Variants in CDH8 observed in about 807,000 individuals in gnomAD.
The protein encoded by CDH8 is cadherin 8, also known as cadherin-8.
In CDH8, 17 loss-of-function variants were observed where a neutral mutation model predicts 68.1. That is an observed-to-expected ratio of 0.25 (90% CI 0.17 to 0.37). The LOEUF is 0.37. Ranked by LOEUF, CDH8 falls within the 10% of genes least tolerant of loss-of-function variation. The probability of loss-of-function intolerance (pLI) is 1.00; values close to 1 mark genes in which losing one functional copy is unlikely to be tolerated. For synonymous variants in CDH8, 372 were observed against 365.1 expected (o/e 1.02, Z -0.21); for missense variants, 763 against 999.3 (o/e 0.76, Z 3.19).
At chr16:62,006,854 A>C (rs1285635011) in intron 2 of CDH8, among the ~76,000 whole-genome samples, 1 of 152,070 alleles carries the variant, frequency 6.6e-6, no homozygotes, top group Non-Finnish European at 1.5e-5. Context: ...TAGAAAGATA[A>C]ATCTTGTTTT....
At chr16:61,809,663 A>G (rs1335372211) in intron 7 of CDH8, among the ~76,000 whole-genome samples, 1 of 152,218 alleles carries the variant, frequency 6.6e-6, no homozygotes, top group African/African-American at 2.4e-5. Context: ...ATTGGCAGAA[A>G]GCATCATGAT....
chr16:61,789,108 T>C (rs1472677852), intron 8 of CDH8, among the ~76,000 whole-genome samples: 1 of 152,102 alleles, frequency 6.6e-6, no homozygotes, highest in Non-Finnish European at 1.5e-5. Context: ...TTGTTTTTAA[T>C]GGCTGAATAA....
At chr16:61,953,895 T>TTATATATATATATATATATA (rs66743095) in intron 2 of CDH8, among the ~76,000 whole-genome samples, 132 of 118,844 alleles carry the variant, frequency 1.1e-3, no homozygotes, top group African/African-American at 4.2e-3. Context: ...AAAAAAAACT[T>TTATATATATATATATATATA]TATATATATA....
intron 3 of CDH8, among the ~76,000 whole-genome samples, chr16:61,888,189 G>A (rs141917569): frequency 8.1e-4 from 123 of 152,254 alleles, no homozygotes; most frequent in East Asian, 3.7e-3. Flanking sequence ...CTTCAGGTTC[G>A]CGGAGTCCTA....
chr16:61,936,560 G>A (rs1408769765), intron 2 of CDH8, among the ~76,000 whole-genome samples: 1 of 152,102 alleles, frequency 6.6e-6, no homozygotes, highest in African/African-American at 2.4e-5. Flanking sequence ...CTTGGAGATG[G>A]CAACATGCCA....
At chr16:61,908,586 C>T (rs1964103252) in intron 2 of CDH8, among the ~76,000 whole-genome samples, 1 of 152,138 alleles carries the variant, frequency 6.6e-6, no homozygotes, top group Non-Finnish European at 1.5e-5. Flanking sequence ...ATGGACCATT[C>T]AAGAAACATT....
chr16:61,917,967 GCTTTTT>G (rs1964272145), intron 2 of CDH8, among the ~76,000 whole-genome samples: 1 of 99,368 alleles, frequency 1.0e-5, no homozygotes, highest in East Asian at 2.7e-4. Context: ...AAAGTTATTT[GCTTTTT>G]TTTTTTTTTT....
intron 8 of CDH8, among the ~76,000 whole-genome samples, chr16:61,787,883 T>C (rs953814255): frequency 1.8e-4 from 21 of 119,352 alleles, no homozygotes; most frequent in East Asian, 1.8e-3. Context: ...TAGGTGGGAA[T>C]TGAACAATGA....
intron 7 of CDH8, among the ~76,000 whole-genome samples, 159 bp from the exon 8 acceptor site, chr16:61,789,641 G>A (rs552941078): frequency 6.6e-6 from 1 of 152,158 alleles, no homozygotes; most frequent in South Asian, 2.1e-4. Flanking sequence ...GACTGAATGA[G>A]GCACGAGAAA....
At chr16:61,888,599 G>T (rs1177786285) in intron 3 of CDH8, among the ~76,000 whole-genome samples, 1 of 144,940 alleles carries the variant, frequency 6.9e-6, no homozygotes, top group Non-Finnish European at 1.5e-5. Flanking sequence ...TGTAAAATAA[G>T]AATAATAAAA....
Position 62,014,484 on chromosome 16 carries a change from G to T in CDH8, c.252+6668C>A, listed in dbSNP as rs532514517. On this transcript the variant is annotated intron_variant, in intron 2 of 11. Coordinates refer to ENST00000577390, the MANE Select transcript of CDH8 (RefSeq NM_001796.5). ...AACTGACAGTGAATTGTTCCCACAA[G>T]GCCAAAGATACAATTAAGCTGTGAC... is the stretch of plus-strand genomic sequence containing the variant. Among the ~76,000 whole-genome samples the T allele has an allele frequency of 2.0e-5, 3 of 152,244 alleles. No homozygotes were observed. The East Asian group carries it at 5.8e-4, about 29-fold the overall frequency.
chr16:61,739,543 T>G (rs1312059061), intron 8 of CDH8, among the ~76,000 whole-genome samples: 1 of 151,866 alleles, frequency 6.6e-6, no homozygotes, highest in Non-Finnish European at 1.5e-5. Context: ...ATGTAATATA[T>G]AACATAGCAT....
chr16:62,029,134 GCT>G (rs1392729803), intron 1 of CDH8, among the ~76,000 whole-genome samples: 1 of 152,124 alleles, frequency 6.6e-6, no homozygotes, highest in African/African-American at 2.4e-5. Flanking sequence ...AGAAACTGAT[GCT>G]CTGTGTTTAA....
In CDH8 at chr16:61,891,893, G is replaced by A. The variant is rs865848722; in HGVS notation, c.547+9286C>T. ...ACTTTGCATCTCTCCTTTAAAAATAGAGAAGTGCTGCCAAATTCTTTTAAA... is the reference window on the plus strand; with the variant it reads ...ACTTTGCATCTCTCCTTTAAAAATAAAGAAGTGCTGCCAAATTCTTTTAAA... On this transcript the variant is annotated intron_variant, in intron 3 of 11. Transcript: ENST00000577390. 3.8e-4 allele frequency among the ~76,000 whole-genome samples: 58 copies of A among 152,108 alleles called. 1 individual carries two copies. The highest frequency in any genetic ancestry group is 1.2e-3 in the African/African-American group (50 of 41,430).
intron 3 of CDH8, among the ~76,000 whole-genome samples, chr16:61,886,596 T>C (rs1963677051): frequency 6.6e-6 from 1 of 152,234 alleles, no homozygotes; most frequent in Non-Finnish European, 1.5e-5. Context: ...AGTATGTTTG[T>C]AGAACCAGAG....
At chr16:62,015,871 T>C (rs955440310) in intron 2 of CDH8, among the ~76,000 whole-genome samples, 4 of 152,156 alleles carry the variant, frequency 2.6e-5, no homozygotes, top group East Asian at 1.9e-4. Flanking sequence ...GAACCAACCA[T>C]GCTGGCACCC....
At chr16:61,837,111 C>T (rs1223421178) in intron 4 of CDH8, among the ~76,000 whole-genome samples, 3 of 151,824 alleles carry the variant, frequency 2.0e-5, no homozygotes, top group Non-Finnish European at 2.9e-5. Flanking sequence ...TCTTTCCTCA[C>T]ATTTATCTCT....
chr16:61,926,927 T>G (rs943765850), intron 2 of CDH8, among the ~76,000 whole-genome samples: 14 of 152,182 alleles, frequency 9.2e-5, no homozygotes, highest in African/African-American at 3.1e-4. Context: ...TCATGACAAT[T>G]TCAAGGATAA....
intron 2 of CDH8, among the ~76,000 whole-genome samples, chr16:61,955,442 C>T (rs1964970879): frequency 6.6e-6 from 1 of 152,176 alleles, no homozygotes; most frequent in Admixed American, 6.5e-5. Context: ...GTTCATAAAC[C>T]TTGTACTACA....
Sources: allele counts gnomAD v4.1 joint callset (sites outside exome capture counted in the v4.1 genomes callset), GRCh38; gene constraint gnomAD v4.1.1; transcripts MANE v1.5; gene names NCBI Gene and HGNC (gene_info 2026-07-23, HGNC 2026-07-21).